PPP1R13B: variants seen among roughly 807,000 people sequenced by gnomAD.
PPP1R13B encodes apoptosis-stimulating of p53 protein 1.
A neutral mutation model predicts 119.8 loss-of-function variants in PPP1R13B; 44 were observed. That is an observed-to-expected ratio of 0.37 (90% CI 0.29 to 0.47). The LOEUF (loss-of-function observed/expected upper bound fraction) is 0.47, where lower values mean the gene tolerates loss of function less well. Among genes scored for constraint, PPP1R13B ranks in the 20% least tolerant of loss-of-function variants. The pLI, the probability that PPP1R13B is intolerant of heterozygous loss-of-function variation, is 0.99. For synonymous variants in PPP1R13B, 542 were observed against 561.5 expected, an observed-to-expected ratio of 0.97 and a Z score of 0.49; for missense variants, 1,227 against 1,413.5, an observed-to-expected ratio of 0.87 and a Z score of 2.12.
intron 4 of PPP1R13B, among the ~76,000 whole-genome samples, chr14:103,760,596 G>A (rs907010729): frequency 1.3e-5 from 2 of 152,132 alleles, no homozygotes; most frequent in African/African-American, 2.4e-5. Flanking sequence ...AACCTGCTCC[G>A]ATGATCCCTT....
chr14:103,833,291 T>C (rs1018123868), intron 1 of PPP1R13B, among the ~76,000 whole-genome samples: 1 of 152,158 alleles, frequency 6.6e-6, no homozygotes, highest in Non-Finnish European at 1.5e-5. Context: ...TGGCCTCATA[T>C]CCTAGGCAAC....
At chr14:103,754,371 C>A in intron 5 of PPP1R13B, 127 bp from the exon 6 acceptor site, 3 of 800,408 alleles carry the variant, frequency 3.7e-6, no homozygotes. Flanking sequence ...TCGAGACCAG[C>A]CTGGCCAACA....
At position 103,740,815 on chromosome 14, in the gene PPP1R13B, A is replaced by C. The variant is rs550502154; in HGVS notation, c.1823-222T>G. Among the ~76,000 whole-genome samples the C allele has an allele frequency of 6.6e-6, 1 of 152,164 alleles. No homozygotes were observed. Among genetic ancestry groups the C allele is most frequent in the African/African-American group, 2.4e-5 (1 of 41,434 alleles). Reference sequence around the variant, plus strand: ...GCCTCTCTAATGTGTCGGTTTTTACATTTGGGTTTCCAGAACTGGAGCTTT... The same window carrying C: ...GCCTCTCTAATGTGTCGGTTTTTACCTTTGGGTTTCCAGAACTGGAGCTTT... On this transcript the variant is annotated intron_variant, in intron 11 of 16. Transcript: ENST00000202556. This position sits in a 1 kb window ranked among gnomAD's most constrained non-coding sequence, Gnocchi z 4.6.
intron 1 of PPP1R13B, among the ~76,000 whole-genome samples, chr14:103,834,490 G>T (rs1315565264): frequency 4.0e-5 from 6 of 151,744 alleles, no homozygotes; most frequent in African/African-American, 1.5e-4. Flanking sequence ...TCAGCTGACT[G>T]ACAGGACACT....
intron 1 of PPP1R13B, among the ~76,000 whole-genome samples, chr14:103,840,740 G>A (rs1189480283): frequency 2.0e-5 from 3 of 151,676 alleles, no homozygotes; most frequent in Admixed American, 6.6e-5. Flanking sequence ...GCAGTAAGCC[G>A]AGATGGCACC....
Position 103,740,037 on chromosome 14 carries a change from A to G in PPP1R13B, c.2379T>C (p.Asp793=), listed in dbSNP as rs1226245415. 43 of 1,613,816 alleles carry G rather than the reference A, an allele frequency of 2.7e-5. No individual in the cohort carries two copies. Among genetic ancestry groups the G allele is most frequent in the Non-Finnish European group, 3.4e-5 (40 of 1,179,942 alleles). Residue 793 remains aspartate (D), a synonymous_variant, in exon 12 of 17, where the codon GAT becomes GAC. Transcript: ENST00000202556. The surrounding 1 kb of genome is among the most constrained non-coding windows in gnomAD (Gnocchi z 4.6). The stretch of plus-strand genomic sequence containing the variant: ...CTGGTTCGGGGGAAGGTAACTCATT[A>G]TCATTGGCATCTGATGACGGGGCAG... The part of the protein sequence containing the change: ...AEPAPSSDAN[D]NELPSPEPEE...
chr14:103,801,846 G>A (rs1434958951), intron 1 of PPP1R13B, among the ~76,000 whole-genome samples: 2 of 152,134 alleles, frequency 1.3e-5, no homozygotes, highest in Non-Finnish European at 2.9e-5. Context: ...GATATATCCA[G>A]TCTGTTCAAT....
At chr14:103,785,490 T>C (rs2085439529) in intron 2 of PPP1R13B, among the ~76,000 whole-genome samples, 1 of 150,912 alleles carries the variant, frequency 6.6e-6, no homozygotes, top group Non-Finnish European at 1.5e-5. Context: ...AGTGCTGGGA[T>C]TATAGGCGTG....
intron 4 of PPP1R13B, 122 bp downstream of exon 4, chr14:103,778,623 C>T: frequency 1.3e-6 from 1 of 755,650 alleles, no homozygotes; most frequent in Non-Finnish European, 2.3e-6. Flanking sequence ...TCCAGCTGAT[C>T]TCAAACTCCT....
intron 1 of PPP1R13B, among the ~76,000 whole-genome samples, chr14:103,800,669 C>CA (rs1305847519): frequency 2.0e-5 from 3 of 147,270 alleles, no homozygotes; most frequent in African/African-American, 4.9e-5. Context: ...ACAAAAAAAA[C>CA]AAAAAACAAA....
intron 1 of PPP1R13B, among the ~76,000 whole-genome samples, chr14:103,828,971 T>G (rs2152075352): frequency 6.6e-6 from 1 of 152,320 alleles, no homozygotes; most frequent in African/African-American, 2.4e-5. Context: ...TTTATTTTAC[T>G]TTTGCTACTC....
At chr14:103,778,565 GATTA>G (rs1204500334) in intron 4 of PPP1R13B, 176 bp downstream of exon 4, 7 of 583,498 alleles carry the variant, frequency 1.2e-5, no homozygotes, top group East Asian at 1.2e-4. Flanking sequence ...GGCCTCATCT[GATTA>G]ATTTTTTAAA....
chr14:103,808,635 C>T (rs996483772), intron 1 of PPP1R13B, among the ~76,000 whole-genome samples: 1 of 152,062 alleles, frequency 6.6e-6, no homozygotes, highest in Non-Finnish European at 1.5e-5. Context: ...TTCAGCACTA[C>T]CCCCTTCCCC....
Position 103,799,595 on chromosome 14 carries a change from G to A in PPP1R13B, c.10-2077C>T, listed in dbSNP as rs576634245. ...CCCAAAGTGCTGGGATTATAGGCGT[G>A]AGCCACTGTGCCGGGTTTTTTGTTT... On this transcript the variant is annotated intron_variant, in intron 1 of 16. Coordinates refer to ENST00000202556, the MANE Select transcript of PPP1R13B (RefSeq NM_015316.3). 1.0e-4 allele frequency among the ~76,000 whole-genome samples: 15 copies of A among 150,374 alleles called. No individual in the cohort carries two copies. In the East Asian group the frequency reaches 2.0e-3, roughly 20 times the overall value.
chr14:103,811,351 T>A (rs1022488941), intron 1 of PPP1R13B, among the ~76,000 whole-genome samples: 10 of 152,022 alleles, frequency 6.6e-5, no homozygotes, highest in Non-Finnish European at 1.0e-4. Flanking sequence ...GGAGAAAATA[T>A]CTGCAAAGTA....
rs531614594 is a variant in PPP1R13B at position 103,780,534 on chromosome 14, G to T, written c.278-1713C>A. Among the ~76,000 whole-genome samples the T allele has an allele frequency of 2.7e-5, 4 of 150,542 alleles. No homozygotes were observed. In the South Asian group the frequency reaches 6.3e-4, roughly 24 times the overall value. Reference sequence around the variant, plus strand: ...AAAAAAGACATTCACTGAGATGGGGGCTGGACGTGGTGGCTCATGCCTGTA... The same window carrying T: ...AAAAAAGACATTCACTGAGATGGGGTCTGGACGTGGTGGCTCATGCCTGTA... On this transcript the variant is annotated intron_variant, in intron 3 of 16. Transcript: ENST00000202556.
intron 15 of PPP1R13B, 126 bp from the exon 16 acceptor site, chr14:103,736,328 C>G (rs186835392): frequency 6.1e-6 from 6 of 980,850 alleles, no homozygotes; most frequent in Non-Finnish European, 9.3e-6. Context: ...CAGAGGCCAG[C>G]GAGGGAGATG....
chr14:103,735,061 T>C lies in PPP1R13B; in HGVS notation c.*93A>G. 1 of 1,447,456 alleles carries C rather than the reference T, an allele frequency of 6.9e-7. No homozygotes were observed. Among genetic ancestry groups the C allele is most frequent in the Non-Finnish European group, 9.7e-7 (1 of 1,030,732 alleles). 89.7% of individuals were successfully genotyped at this position (1,447,456 alleles called of 1,614,324 possible). A position where few individuals can be genotyped will look rare whatever the true frequency, so the allele number is the denominator to read the frequency against. On this transcript the variant is annotated 3_prime_UTR_variant, in exon 17 of 17. Transcript: ENST00000202556. ...GCTAAAGTGAGCACCATTAAGACCA[T>C]TTTCTAGCTGCAGCTTTCCTGGAAA... is the stretch of plus-strand genomic sequence containing the variant.
upstream of PPP1R13B, among the ~76,000 whole-genome samples, chr14:103,848,703 T>C (rs2087132693): frequency 6.6e-6 from 1 of 152,206 alleles, no homozygotes; most frequent in Admixed American, 6.5e-5. Flanking sequence ...GGCTTCTGGC[T>C]GCTGCAGAGT....
Sources: allele counts gnomAD v4.1 joint callset (sites outside exome capture counted in the v4.1 genomes callset), GRCh38; gene constraint gnomAD v4.1.1; non-coding constraint Gnocchi (gnomAD v3.1); transcripts MANE v1.5; gene names NCBI Gene and HGNC (gene_info 2026-07-23, HGNC 2026-07-21).